The following UNC5D variants were observed in gnomAD, a reference collection of about 807,000 sequenced individuals.
The protein encoded by UNC5D is unc-5 netrin receptor D.
A neutral mutation model predicts 105.4 loss-of-function variants in UNC5D; 39 were observed. The observed-to-expected ratio is 0.37, with a 90% CI of 0.29 to 0.48. The LOEUF is 0.48. UNC5D is among the 20% of genes least tolerant of loss of function. UNC5D has a pLI of 0.98. For synonymous variants in UNC5D, 452 were observed against 450.4 expected (o/e 1.00, Z -0.04); for missense variants, 991 against 1,202.4 (o/e 0.82, Z 2.60).
chr8:35,296,613 G>T (rs545392673), intron 1 of UNC5D, among the ~76,000 whole-genome samples: 43 of 152,212 alleles, frequency 2.8e-4, no homozygotes, highest in Middle Eastern at 3.4e-3. Flanking sequence ...ACAGATGGGG[G>T]TCTCACCATG....
chr8:35,397,820 T>C (rs1383480437), intron 1 of UNC5D, among the ~76,000 whole-genome samples: 1 of 152,100 alleles, frequency 6.6e-6, no homozygotes. Context: ...ACCAAGAGCC[T>C]GAGACTTTTT....
At chr8:35,448,593 C>T (rs933907060) in intron 1 of UNC5D, among the ~76,000 whole-genome samples, 1 of 152,070 alleles carries the variant, frequency 6.6e-6, no homozygotes, top group Admixed American at 6.6e-5. Flanking sequence ...GCTCAGGAAT[C>T]AGTGATTTAA....
At chr8:35,445,730 C>G (rs1245130427) in intron 1 of UNC5D, among the ~76,000 whole-genome samples, 2 of 152,044 alleles carry the variant, frequency 1.3e-5, no homozygotes, top group Non-Finnish European at 2.9e-5. Flanking sequence ...GCATCAGAAA[C>G]TCTTCGGGAG....
chr8:35,282,580 A>G (rs1048174071), intron 1 of UNC5D, among the ~76,000 whole-genome samples: 9 of 152,310 alleles, frequency 5.9e-5, no homozygotes, highest in African/African-American at 2.2e-4. Context: ...ACCAAAATTA[A>G]TATAGAAAGA....
At chr8:35,446,179 T>C (rs1380811143) in intron 1 of UNC5D, among the ~76,000 whole-genome samples, 1 of 151,600 alleles carries the variant, frequency 6.6e-6, no homozygotes, top group Non-Finnish European at 1.5e-5. Context: ...TCCCCCCGAG[T>C]CCTCAAAGGC....
chr8:35,472,067 A>G (rs1234076067), intron 1 of UNC5D, among the ~76,000 whole-genome samples: 1 of 152,254 alleles, frequency 6.6e-6, no homozygotes, highest in African/African-American at 2.4e-5. Flanking sequence ...GACTACAAGT[A>G]TATAATATTT....
chr8:35,506,577 T>G (rs1480820217), intron 1 of UNC5D, among the ~76,000 whole-genome samples: 1 of 152,218 alleles, frequency 6.6e-6, no homozygotes, highest in Non-Finnish European at 1.5e-5. Context: ...ACAGTTAGCC[T>G]GAGGTCACAG....
intron 1 of UNC5D, among the ~76,000 whole-genome samples, chr8:35,465,042 C>T (rs569381202): frequency 2.0e-4 from 31 of 152,280 alleles, no homozygotes; most frequent in Non-Finnish European, 4.0e-4. Context: ...TAGATATCTC[C>T]TCCAGTCTAC....
intron 12 of UNC5D, among the ~76,000 whole-genome samples, chr8:35,749,989 T>TAAAAAAAAAAAAAA (rs11380512): frequency 0.031 from 4,173 of 135,524 alleles, 381 homozygotes; most frequent in African/African-American, 0.11. Context: ...GAAATAGTTG[T>TAAAAAAAAAAAAAA]AAAAAAAAAA....
chr8:35,783,494 G>C (rs568583175), intron 16 of UNC5D, among the ~76,000 whole-genome samples: 1 of 152,258 alleles, frequency 6.6e-6, no homozygotes, highest in Admixed American at 6.5e-5. Context: ...AATTTTGAAT[G>C]AAAGTGAGGC....
chr8:35,493,738 G>A (rs1294488359), intron 1 of UNC5D, among the ~76,000 whole-genome samples: 1 of 152,058 alleles, frequency 6.6e-6, no homozygotes, highest in African/African-American at 2.4e-5. Flanking sequence ...TCTATATGAA[G>A]TTTGTTTTGT....
At chr8:35,711,096 G>A (rs1325101495) in intron 8 of UNC5D, among the ~76,000 whole-genome samples, 13 of 128,112 alleles carry the variant, frequency 1.0e-4, no homozygotes, top group African/African-American at 4.4e-4. Context: ...GAGCCACCGC[G>A]CCCGGCCAGC....
chr8:35,271,606 TTA>T (rs542094011), intron 1 of UNC5D, among the ~76,000 whole-genome samples: 89 of 145,012 alleles, frequency 6.1e-4, no homozygotes, highest in African/African-American at 2.0e-3. Context: ...TATACATGTA[TTA>T]TATATTATAT....
chr8:35,364,306 G>T (rs988818538), intron 1 of UNC5D, among the ~76,000 whole-genome samples: 3 of 151,902 alleles, frequency 2.0e-5, no homozygotes, highest in Non-Finnish European at 2.9e-5. Flanking sequence ...TTATGCTTTT[G>T]GTTCAGTTTT....
intron 1 of UNC5D, among the ~76,000 whole-genome samples, chr8:35,387,187 T>C (rs969266111): frequency 3.3e-5 from 5 of 151,806 alleles, no homozygotes; most frequent in African/African-American, 4.8e-5. Flanking sequence ...GGTGAAACCC[T>C]GTCTCTACTA....
At chr8:35,783,992 A>T (rs971112429) in intron 16 of UNC5D, among the ~76,000 whole-genome samples, 7 of 152,280 alleles carry the variant, frequency 4.6e-5, no homozygotes, top group African/African-American at 1.7e-4. Flanking sequence ...TCTATAAAAA[A>T]ATTTGCTTTT....
At chr8:35,725,916 G>A (rs1389635383) in intron 9 of UNC5D, among the ~76,000 whole-genome samples, 1 of 152,152 alleles carries the variant, frequency 6.6e-6, no homozygotes, top group Admixed American at 6.5e-5. Context: ...AAAGATCTCT[G>A]GAAAGTGAAA....
At chr8:35,667,109 A>G (rs1332171841) in intron 4 of UNC5D, among the ~76,000 whole-genome samples, 1 of 152,074 alleles carries the variant, frequency 6.6e-6, no homozygotes, top group Non-Finnish European at 1.5e-5. Context: ...AGAGCTTTAG[A>G]CTTTTTTTTT....
intron 1 of UNC5D, among the ~76,000 whole-genome samples, chr8:35,284,159 C>G (rs1479042804): frequency 6.6e-6 from 1 of 152,084 alleles, no homozygotes; most frequent in Non-Finnish European, 1.5e-5. Flanking sequence ...CTAGTGTATG[C>G]TTTTCTCTGA....
Sources: gnomAD v4.1 joint callset for allele counts (sites outside exome capture counted in the v4.1 genomes callset) on GRCh38, gnomAD v4.1.1 for gene constraint, MANE v1.5 for transcripts, NCBI Gene and HGNC (gene_info 2026-07-23, HGNC 2026-07-21) for gene names.